Variants in ABCC6 observed in about 807,000 individuals in gnomAD.
ABCC6 encodes the protein ATP-binding cassette sub-family C member 6.
A neutral mutation model predicts 169.5 loss-of-function variants in ABCC6; 126 were observed. That is an observed-to-expected ratio of 0.74 (90% CI 0.64 to 0.86). The LOEUF is 0.86. ABCC6 is among the 40% of genes least tolerant of loss of function. The pLI is 0.00. For synonymous variants in ABCC6, 752 were observed against 814.7 expected (o/e 0.92, Z 1.31); for missense variants, 1,733 against 1,927.2 (o/e 0.90, Z 1.89).
intron 10 of ABCC6, among the ~76,000 whole-genome samples, chr16:16,194,478 G>T (rs562410480): frequency 6.6e-6 from 1 of 152,318 alleles, no homozygotes; most frequent in East Asian, 1.9e-4. Context: ...GTGATTTTGG[G>T]ATGGTTATCT....
At chr16:16,188,021 C>T (rs1252808509) in intron 13 of ABCC6, among the ~76,000 whole-genome samples, 2 of 151,776 alleles carry the variant, frequency 1.3e-5, no homozygotes, top group African/African-American at 2.4e-5. Context: ...TACATGAGGT[C>T]GGGGGTTCAA....
chr16:16,150,028 A>G lies in ABCC6; in HGVS notation c.*105T>C, dbSNP rs2046343319. 2.6e-6 allele frequency: 4 copies of G among 1,510,664 alleles called. No homozygotes were observed. Among genetic ancestry groups the G allele is most frequent in the African/African-American group, 1.4e-5 (1 of 72,624 alleles). 93.6% of individuals were successfully genotyped at this position (1,510,664 alleles called of 1,614,324 possible). Reference sequence around the variant, plus strand: ...CCTCCCAGAGAGCAAACACAGGTCTAGACTCAATATCGTGTGGAGCTATCG... The same window carrying G: ...CCTCCCAGAGAGCAAACACAGGTCTGGACTCAATATCGTGTGGAGCTATCG... On this transcript the variant is annotated 3_prime_UTR_variant, in exon 31 of 31. Coordinates refer to ENST00000205557, the MANE Select transcript of ABCC6 (RefSeq NM_001171.6).
intron 26 of ABCC6, 93 bp downstream of exon 26, chr16:16,159,389 C>A: frequency 8.2e-7 from 1 of 1,223,460 alleles, no homozygotes; most frequent in South Asian, 1.3e-5. Context: ...AGGGTATAAA[C>A]TCCAAAGCCT....
intron 6 of ABCC6, among the ~76,000 whole-genome samples, chr16:16,211,659 A>G (rs4592683): frequency 7.2e-5 from 11 of 152,162 alleles, no homozygotes; most frequent in Non-Finnish European, 1.2e-4. Context: ...TGGTTAGGAG[A>G]GAGCACATCC....
rs1021868441 is a variant in ABCC6, at chr16:16,214,554, C to A, written c.475-105G>T. On this transcript the variant is annotated intron_variant, in intron 4 of 30. Coordinates refer to ENST00000205557, the MANE Select transcript of ABCC6 (RefSeq NM_001171.6). Reference sequence around the variant, plus strand: ...TCAGTGCCCACTCTGGGGACCAGGGCAAGAGTATTTGAAAGCCAGAGCCCT... The same window carrying A: ...TCAGTGCCCACTCTGGGGACCAGGGAAAGAGTATTTGAAAGCCAGAGCCCT... The A allele has an allele frequency of 6.6e-6, 10 of 1,525,434 alleles. No individual in the cohort carries two copies. The African/African-American group carries it at 1.1e-4, about 17-fold the overall frequency. The allele number at this position is 1,525,434 out of a possible 1,614,324, so 94.5% of individuals were successfully genotyped here.
At chr16:16,187,367 T>G (rs570760398) in intron 13 of ABCC6, among the ~76,000 whole-genome samples, 156 bp from the exon 14 acceptor site, 1 of 152,314 alleles carries the variant, frequency 6.6e-6, no homozygotes, top group Admixed American at 6.5e-5. Context: ...TGGGAAACGA[T>G]GCAACCCGAG....
At chr16:16,200,389 A>T (rs1395486134) in intron 9 of ABCC6, among the ~76,000 whole-genome samples, 1 of 148,018 alleles carries the variant, frequency 6.8e-6, no homozygotes. Flanking sequence ...GGACTGTGCC[A>T]CTGCACTCCA....
intron 14 of ABCC6, 147 bp from the exon 15 acceptor site, chr16:16,185,181 T>C: frequency 1.3e-6 from 1 of 772,666 alleles, no homozygotes; most frequent in Non-Finnish European, 2.2e-6. Flanking sequence ...GCCCTGCTAC[T>C]CACTGGCTTG....
intron 29 of ABCC6, 102 bp from the exon 30 acceptor site, chr16:16,150,874 G>A (rs2152207800): frequency 1.3e-6 from 2 of 1,539,642 alleles, no homozygotes; most frequent in East Asian, 2.5e-5. Flanking sequence ...CAGGAGTGAG[G>A]TGCCTGTGTT....
rs2047173433 is a variant in ABCC6 at position 16,173,363 on chromosome 16, T to C, written c.2708A>G (p.Glu903Gly). 8 of 1,614,010 alleles carry C rather than the reference T, an allele frequency of 5.0e-6. No individual in the cohort carries two copies. The highest frequency in any genetic ancestry group is 6.8e-6 in the Non-Finnish European group (8 of 1,180,020). The change falls in exon 21 of 31, where the codon GAA (glutamate) becomes GGA (glycine). Residue 903 changes from glutamate (E) to glycine (G), a missense_variant. By Grantham distance (98) the Glu-to-Gly change is moderately conservative. Transcript: ENST00000205557. ...SVPEKDRTTSEAQTEVPLDDP... is the reference protein window; with the variant it reads ...SVPEKDRTTSGAQTEVPLDDP... ...ATCCAGAGGAACCTCTGTCTGGGCT[T>C]CTGAAGTGGTACGGTCCTTCTCAGG...
At chr16:16,204,311 C>T (rs922249202) in intron 7 of ABCC6, among the ~76,000 whole-genome samples, 8 of 152,174 alleles carry the variant, frequency 5.3e-5, no homozygotes, top group Admixed American at 5.2e-4. Flanking sequence ...TCGCCTTGGC[C>T]TCCCAAAGTG....
chr16:16,161,601 C>G (rs759568069), intron 24 of ABCC6, 37 bp from the exon 25 acceptor site: 4 of 1,613,432 alleles, frequency 2.5e-6, no homozygotes, highest in South Asian at 1.1e-5. Flanking sequence ...AGTGGTTACT[C>G]TCATCTGCAG....
In ABCC6 at chr16:16,221,838, G is replaced by C. The variant is rs2049085929; in HGVS notation, c.37-7C>G. On this transcript the variant is annotated splice_polypyrimidine_tract_variant and splice_region_variant and intron_variant, in intron 1 of 30. Transcript: ENST00000205557. ...GCTCTGTCTGGTTCCAGACCTGAGG[G>C]AACACAAAGAGGACCCTTAGGATGG... The C allele has an allele frequency of 3.7e-6, 6 of 1,612,838 alleles. No individual in the cohort carries two copies. Among genetic ancestry groups the C allele is most frequent in the Non-Finnish European group, 4.2e-6 (5 of 1,179,688 alleles).
intron 10 of ABCC6, among the ~76,000 whole-genome samples, chr16:16,197,119 A>G (rs558834996): frequency 1.3e-5 from 2 of 152,288 alleles, no homozygotes; most frequent in South Asian, 2.1e-4. Flanking sequence ...TTTTTTGAAC[A>G]CTAAGTAGCA....
At chr16:16,217,258 T>G (rs1567546776) in intron 4 of ABCC6, among the ~76,000 whole-genome samples, 1 of 152,130 alleles carries the variant, frequency 6.6e-6, no homozygotes, top group African/African-American at 2.4e-5. Context: ...CCATCTTCCC[T>G]AAACTCCCAC....
chr16:16,198,223 C>T lies in ABCC6; in HGVS notation c.1177-41G>A, dbSNP rs200739347. On this transcript the variant is annotated intron_variant, in intron 9 of 30. Transcript: ENST00000205557. ...AAGGAGAGAAGTAAAGTGGGGAGGC[C>T]GGGGCAGAGGGATGCCCCAGGTGGC... 386 of 1,554,962 alleles carry T rather than the reference C, an allele frequency of 2.5e-4. 3 individuals are homozygous for T. In the African/African-American group the frequency reaches 3.6e-3, roughly 14 times the overall value.
In ABCC6 at chr16:16,169,706, C is replaced by G. The variant is rs569941928; in HGVS notation, c.2935G>C (p.Gly979Arg). 1.3e-5 allele frequency: 21 copies of G among 1,611,444 alleles called. No individual in the cohort carries two copies. In the East Asian group the frequency reaches 4.5e-4, roughly 34 times the overall value. ...CGCAGGGCTGCCTGCGTCTGCTGCC[C>G]ACCTACTGCAGGGTCGTCCGCCCAC... ...SLWADDPAVG[G>R]QQTQAALRGG... Residue 979 changes from glycine to arginine, a missense_variant, in exon 22 of 31, where the codon GGG (glycine) becomes CGG (arginine). Transcript: ENST00000205557.
At chr16:16,177,764 T>A in intron 18 of ABCC6, 138 bp from the exon 19 acceptor site, 1 of 1,019,220 alleles carries the variant, frequency 9.8e-7, no homozygotes, top group Non-Finnish European at 1.5e-6. Context: ...CTGACACGGC[T>A]AAGCCCCATC....
chr16:16,177,513 C>A lies in ABCC6; in HGVS notation c.2529G>T (p.Arg843Ser). Residue 843 changes from arginine (R) to serine (S), a missense_variant, in exon 19 of 31, where the codon AGG becomes AGT. By Grantham distance (110) the Arg-to-Ser change is moderately radical. This residue lies in a region of ABCC6 where 1,601 missense variants were observed against 1,635.5 expected (regional missense o/e 0.98). Coordinates refer to ENST00000205557, the MANE Select transcript of ABCC6 (RefSeq NM_001171.6). Reference sequence around the variant, plus strand: ...CCAGAAGACACATGAGGGCCCCCTTCCTCTGCAGAAGCTCCTGGTAGGAAC... The same window carrying A: ...CCAGAAGACACATGAGGGCCCCCTTACTCTGCAGAAGCTCCTGGTAGGAAC... ...EMGSYQELLQ[R>S]KGALMCLLDQ... The A allele has an allele frequency of 6.2e-7, 1 of 1,614,054 alleles. No homozygotes were observed. The highest frequency in any genetic ancestry group is 8.5e-7 in the Non-Finnish European group (1 of 1,179,926).
Sources: gnomAD v4.1 joint callset for allele counts (sites outside exome capture counted in the v4.1 genomes callset) on GRCh38, gnomAD v4.1.1 for gene constraint, gnomAD v4.1.1 regional missense constraint, MANE v1.5 for transcripts, NCBI Gene and HGNC (gene_info 2026-07-23, HGNC 2026-07-21) for gene names.